VTCN1: variants seen among roughly 807,000 people sequenced by gnomAD.
VTCN1 encodes the protein V-set domain containing T cell activation inhibitor 1.
Under a neutral mutation model 26.5 loss-of-function variants are expected in VTCN1, and 26 were observed. That is an observed-to-expected ratio of 0.98 (90% CI 0.72 to 1.36). The LOEUF (loss-of-function observed/expected upper bound fraction) is 1.36. Ranked by LOEUF, VTCN1 falls within the 40% of genes most tolerant of loss-of-function variation. The pLI is 0.00. For missense variants in VTCN1, 298 were observed against 337.7 expected, an observed-to-expected ratio of 0.88 and a Z score of 0.92; for synonymous variants, 116 against 130.7, an observed-to-expected ratio of 0.89 and a Z score of 0.77.
chr1:117,206,708 T>C (rs1391053054), intron 1 of VTCN1, among the ~76,000 whole-genome samples: 2 of 152,064 alleles, frequency 1.3e-5, no homozygotes, highest in Non-Finnish European at 2.9e-5. Flanking sequence ...GGGCAATTGA[T>C]GGCAACTAGA....
chr1:117,156,949 C>T (rs1014188875), intron 2 of VTCN1, 28 bp from the exon 3 acceptor site: 1 of 1,613,564 alleles, frequency 6.2e-7, no homozygotes, highest in Non-Finnish European at 8.5e-7. Flanking sequence ...AAGATCAATG[C>T]TAAGGGAAGC....
In VTCN1 at chr1:117,145,806, AT is replaced by A. The variant is rs1272641632; in HGVS notation, c.*46-582del. On this transcript the variant is annotated intron_variant, in intron 5 of 5. Coordinates refer to ENST00000369458, the MANE Select transcript of VTCN1 (RefSeq NM_024626.4). This position sits in a 1 kb window ranked among gnomAD's most constrained non-coding sequence, Gnocchi z 4.6. ...ACCTCCACACCTGGCTAATTTTTAA[AT>A]TTTTTTGTAGAGATGGGGGTCTCAC... 7.2e-5 allele frequency among the ~76,000 whole-genome samples: 11 copies of A among 151,848 alleles called. No homozygotes were observed. The highest frequency in any genetic ancestry group is 2.7e-4 in the African/African-American group (11 of 41,396).
intron 1 of VTCN1, among the ~76,000 whole-genome samples, chr1:117,188,851 G>C (rs1352863476): frequency 6.6e-6 from 1 of 152,090 alleles, no homozygotes; most frequent in Non-Finnish European, 1.5e-5. Flanking sequence ...ATAATTTTAG[G>C]TCGTTTTATG....
At chr1:117,205,299 C>A (rs2101608861) in intron 1 of VTCN1, among the ~76,000 whole-genome samples, 1 of 152,026 alleles carries the variant, frequency 6.6e-6, no homozygotes, top group African/African-American at 2.4e-5. Context: ...GGACTACAGG[C>A]ATGTACCACC....
At chr1:117,181,544 T>C (rs561040865) in intron 1 of VTCN1, among the ~76,000 whole-genome samples, 2 of 152,282 alleles carry the variant, frequency 1.3e-5, no homozygotes, top group African/African-American at 4.8e-5. Flanking sequence ...AGCAGGCCCA[T>C]CCAGAGCCTA....
chr1:117,173,265 A>C (rs1653022037), intron 1 of VTCN1: 1 of 694,092 alleles, frequency 1.4e-6, no homozygotes, highest in African/African-American at 1.8e-5. Context: ...ACACAATTGC[A>C]GATGTAGTTA....
At chr1:117,172,665 G>A (rs1241781571) in intron 1 of VTCN1, among the ~76,000 whole-genome samples, 1 of 152,128 alleles carries the variant, frequency 6.6e-6, no homozygotes, top group East Asian at 1.9e-4. Flanking sequence ...ACATGTTGAA[G>A]TCCTAACCCC....
chr1:117,157,113 A>G lies in VTCN1; in HGVS notation c.98-192T>C. On this transcript the variant is annotated intron_variant, in intron 2 of 5. Transcript: ENST00000369458. ...TTTTGATATATATATATATATATATATAGCAGATCTGTCATATATAATGGC... is the reference window on the plus strand; with the variant it reads ...TTTTGATATATATATATATATATATGTAGCAGATCTGTCATATATAATGGC... 6.0e-6 allele frequency: 4 copies of G among 663,186 alleles called. No homozygotes were observed. The South Asian group carries it at 7.2e-5, about 12-fold the overall frequency. The allele number at this position is 663,186 out of a possible 1,614,324, so 41.1% of individuals were successfully genotyped here.
intron 1 of VTCN1, among the ~76,000 whole-genome samples, chr1:117,196,368 T>C (rs906718472): frequency 1.3e-5 from 2 of 150,710 alleles, no homozygotes; most frequent in Non-Finnish European, 1.5e-5. Flanking sequence ...ATATGTACAG[T>C]ATTTTACTAT....
chr1:117,146,182 A>G lies in VTCN1; in HGVS notation c.*46-957T>C, dbSNP rs1651492000. 6.6e-6 allele frequency among the ~76,000 whole-genome samples: 1 copy of G among 152,182 alleles called. No homozygotes were observed. Among genetic ancestry groups the G allele is most frequent in the Non-Finnish European group, 1.5e-5 (1 of 68,042 alleles). ...ATATTATTTAGTTGCAGGTTATTAA[A>G]CACTCATTTGCAGTGTTGTGGGGAA... On this transcript the variant is annotated intron_variant, in intron 5 of 5. Coordinates refer to ENST00000369458, the MANE Select transcript of VTCN1 (RefSeq NM_024626.4). This position sits in a 1 kb window ranked among gnomAD's most constrained non-coding sequence, Gnocchi z 4.2.
At position 117,159,511 on chromosome 1, in the gene VTCN1, T is replaced by C. The variant is rs989956277; in HGVS notation, c.98-2590A>G. Reference sequence around the variant, plus strand: ...CCACAACACATGGGAATTATGGGAGTATAATTTAAGATGAGATTTGGGTGG... The same window carrying C: ...CCACAACACATGGGAATTATGGGAGCATAATTTAAGATGAGATTTGGGTGG... On this transcript the variant is annotated intron_variant, in intron 2 of 5. Transcript: ENST00000369458. The surrounding 1 kb of genome is among the most constrained non-coding windows in gnomAD (Gnocchi z 4.7). 6.6e-6 allele frequency among the ~76,000 whole-genome samples: 1 copy of C among 152,136 alleles called. No homozygotes were observed.
chr1:117,187,459 AC>A (rs1157332522), intron 1 of VTCN1, among the ~76,000 whole-genome samples: 1 of 152,190 alleles, frequency 6.6e-6, no homozygotes, highest in African/African-American at 2.4e-5. Context: ...CCAATGACAT[AC>A]AGGATCCTGT....
At chr1:117,172,449 G>A in intron 1 of VTCN1, 1 of 518,804 alleles carries the variant, frequency 1.9e-6, no homozygotes, top group South Asian at 1.4e-5. Context: ...AAGAGAGTGA[G>A]AACAGCTAGA....
At chr1:117,154,201 C>A (rs1651945964) in intron 3 of VTCN1, among the ~76,000 whole-genome samples, 1 of 152,106 alleles carries the variant, frequency 6.6e-6, no homozygotes, top group African/African-American at 2.4e-5. Context: ...TCGGAGCAGG[C>A]AGGGAACACG....
rs1202132203 is a variant in VTCN1 at position 117,161,036 on chromosome 1, C to G, written c.98-4115G>C. Among the ~76,000 whole-genome samples the G allele has an allele frequency of 6.6e-6, 1 of 152,302 alleles. No individual in the cohort carries two copies. The highest frequency in any genetic ancestry group is 1.5e-5 in the Non-Finnish European group (1 of 68,026). ...GGAGGCTTGAGAGCGTGAGAAAAGA[C>G]ACTTTGGAAGCAGCTGCCATGCATG... On this transcript the variant is annotated intron_variant, in intron 2 of 5. Coordinates refer to ENST00000369458, the MANE Select transcript of VTCN1 (RefSeq NM_024626.4). The surrounding 1 kb of genome is among the most constrained non-coding windows in gnomAD (Gnocchi z 4.3).
intron 1 of VTCN1, among the ~76,000 whole-genome samples, chr1:117,197,439 C>A (rs1180428599): frequency 1.3e-5 from 2 of 152,126 alleles, no homozygotes; most frequent in African/African-American, 4.8e-5. Flanking sequence ...CCCATTCATG[C>A]TGACTTCCTA....
chr1:117,165,772 A>T (rs1324694203), intron 2 of VTCN1, among the ~76,000 whole-genome samples: 2 of 152,258 alleles, frequency 1.3e-5, no homozygotes, highest in African/African-American at 2.4e-5. Flanking sequence ...TCTTTATAGC[A>T]GTGCAAGAAC....
chr1:117,206,063 T>G (rs2101610228), intron 1 of VTCN1, among the ~76,000 whole-genome samples: 1 of 152,158 alleles, frequency 6.6e-6, no homozygotes, highest in African/African-American at 2.4e-5. Flanking sequence ...ATTTAATAAG[T>G]CTAAATCCTA....
chr1:117,147,634 A>C lies in VTCN1; in HGVS notation c.*24T>G. The C allele has an allele frequency of 1.2e-6, 2 of 1,609,798 alleles. No homozygotes were observed. Among genetic ancestry groups the C allele is most frequent in the South Asian group, 2.2e-5 (2 of 90,220 alleles). On this transcript the variant is annotated 3_prime_UTR_variant, in exon 5 of 6. Coordinates refer to ENST00000369458, the MANE Select transcript of VTCN1 (RefSeq NM_024626.4). This position sits in a 1 kb window ranked among gnomAD's most constrained non-coding sequence, Gnocchi z 4.6. ...TCACCTGTTGTAACAATGACTTTGC[A>C]TGCTTTTTTGTGGCCGAGGCACATT...
Sources: gnomAD v4.1 joint callset for allele counts (sites outside exome capture counted in the v4.1 genomes callset) on GRCh38, gnomAD v4.1.1 for gene constraint, Gnocchi (gnomAD v3.1) non-coding constraint, MANE v1.5 for transcripts, NCBI Gene and HGNC (gene_info 2026-07-23, HGNC 2026-07-21) for gene names.